Variants in CFAP20DC observed in about 807,000 individuals in gnomAD.
The protein encoded by CFAP20DC is protein CFAP20DC.
A neutral mutation model predicts 101.7 loss-of-function variants in CFAP20DC; 84 were observed. That is an observed-to-expected ratio of 0.83 (90% CI 0.69 to 0.99). CFAP20DC has a LOEUF of 0.99. Ranked by LOEUF, CFAP20DC falls within the 50% of genes least tolerant of loss-of-function variation. The pLI is 0.00. For synonymous variants in CFAP20DC, 359 were observed against 351.2 expected, an observed-to-expected ratio of 1.02 and a Z score of -0.25; for missense variants, 1,007 against 970.3, an observed-to-expected ratio of 1.04 and a Z score of -0.50.
chr3:58,914,515 T>C lies in CFAP20DC; in HGVS notation c.394-651A>G, dbSNP rs527670852. Among the ~76,000 whole-genome samples, 3 of 151,944 alleles carry C rather than the reference T, an allele frequency of 2.0e-5. No individual in the cohort carries two copies. The highest frequency in any genetic ancestry group is 7.2e-5 in the African/African-American group (3 of 41,380). The stretch of plus-strand genomic sequence containing the variant: ...GGTTAAAGAAAATGAAAAAAAATCA[T>C]TTGGCAAGAAACAAAGACATATTTA... On this transcript the variant is annotated intron_variant, in intron 5 of 16. Transcript: ENST00000482387. The surrounding 1 kb of genome is among the most constrained non-coding windows in gnomAD (Gnocchi z 4.9).
In CFAP20DC at chr3:58,869,503, T is replaced by G. The variant is rs1331021778; in HGVS notation, c.853-13A>C. On this transcript the variant is annotated splice_polypyrimidine_tract_variant and intron_variant, in intron 8 of 16. Coordinates refer to ENST00000482387, the MANE Select transcript of CFAP20DC (RefSeq NM_001394063.1). The surrounding 1 kb of genome is among the most constrained non-coding windows in gnomAD (Gnocchi z 4.3). ...CGGATCTCACTGTCTGTAAAGGAATTAATCTGTACATTTTAAAATATAGCA... is the reference window on the plus strand; with the variant it reads ...CGGATCTCACTGTCTGTAAAGGAATGAATCTGTACATTTTAAAATATAGCA... 1 of 1,571,270 alleles carries G rather than the reference T, an allele frequency of 6.4e-7. No individual in the cohort carries two copies. The highest frequency in any genetic ancestry group is 1.2e-5 in the South Asian group (1 of 82,648).
intron 4 of CFAP20DC, among the ~76,000 whole-genome samples, chr3:58,972,990 A>G (rs1008960780): frequency 4.6e-5 from 7 of 152,194 alleles, no homozygotes; most frequent in Non-Finnish European, 1.0e-4. Context: ...GGATTTACAT[A>G]TTATTTAAAC....
chr3:59,009,446 C>G (rs763035732), intron 4 of CFAP20DC, among the ~76,000 whole-genome samples: 4 of 151,864 alleles, frequency 2.6e-5, no homozygotes, highest in Non-Finnish European at 4.4e-5. Flanking sequence ...GAATGAAAAA[C>G]TTTCCAGAGG....
rs533731073 is a variant in CFAP20DC, at chr3:59,005,147, G to C, written c.278+34410C>G. Reference sequence around the variant, plus strand: ...CTAATTCTGAGCCTAGATCTCAAGAGACCTTGTGTGTTTTTGTTCATTCAG... The same window carrying C: ...CTAATTCTGAGCCTAGATCTCAAGACACCTTGTGTGTTTTTGTTCATTCAG... On this transcript the variant is annotated intron_variant, in intron 4 of 16. Coordinates refer to ENST00000482387, the MANE Select transcript of CFAP20DC (RefSeq NM_001394063.1). 2.6e-5 allele frequency among the ~76,000 whole-genome samples: 4 copies of C among 152,260 alleles called. No individual in the cohort carries two copies. In the East Asian group the frequency reaches 7.7e-4, roughly 29 times the overall value.
chr3:59,049,519 A>T (rs929100213), intron 1 of CFAP20DC, 92 bp downstream of exon 1: 5 of 1,160,006 alleles, frequency 4.3e-6, no homozygotes, highest in African/African-American at 1.5e-5. Flanking sequence ...TATTATGGGG[A>T]TAGAGGGTGC....
intron 14 of CFAP20DC, among the ~76,000 whole-genome samples, chr3:58,825,890 T>G (rs1054134156): frequency 1.8e-4 from 28 of 152,238 alleles, no homozygotes; most frequent in African/African-American, 6.3e-4. Flanking sequence ...AGGAATGTGG[T>G]TACATTTAAT....
chr3:58,813,966 G>A (rs948431586), intron 14 of CFAP20DC, among the ~76,000 whole-genome samples: 4 of 151,812 alleles, frequency 2.6e-5, no homozygotes, highest in Non-Finnish European at 5.9e-5. Flanking sequence ...TTATTTCACA[G>A]CAAAAAAGAA....
chr3:58,717,238 AG>A, downstream of CFAP20DC: 1 of 174,000 alleles, frequency 5.7e-6, no homozygotes, highest in Non-Finnish European at 1.2e-5. This position sits in a 1 kb window ranked among gnomAD's most constrained non-coding sequence, Gnocchi z 4.1. Context: ...TCCTGAGGGT[AG>A]GACGATGAAG....
intron 3 of CFAP20DC, 45 bp from the exon 4 acceptor site, chr3:59,039,674 T>C (rs2094163826): frequency 2.5e-6 from 3 of 1,187,322 alleles, no homozygotes; most frequent in South Asian, 1.4e-5. Context: ...GAAGCATTTA[T>C]ATGTGCATAT....
At chr3:58,719,509 A>G (rs1275272348) in intron 3 of CFAP20DC, among the ~76,000 whole-genome samples, 3 of 152,230 alleles carry the variant, frequency 2.0e-5, no homozygotes, top group Non-Finnish European at 2.9e-5. Context: ...CTTTGCAGGC[A>G]TGGAAGATCC....
intron 3 of CFAP20DC, among the ~76,000 whole-genome samples, chr3:59,044,493 G>T (rs946897282): frequency 6.6e-6 from 1 of 151,800 alleles, no homozygotes; most frequent in African/African-American, 2.4e-5. Context: ...TACATTAAAA[G>T]ATTTTTCTGT....
rs1204681676 is a variant in CFAP20DC at position 58,809,723 on chromosome 3, AG to A, written c.2176-3268del. 2.6e-5 allele frequency among the ~76,000 whole-genome samples: 4 copies of A among 152,334 alleles called. No homozygotes were observed. The East Asian group carries it at 7.7e-4, about 29-fold the overall frequency. ...AAATCAGAGCAGGACTGAGGGAAAT[AG>A]AAACACAAAAAACGCTTTCAAAAAT... On this transcript the variant is annotated intron_variant, in intron 14 of 16. Coordinates refer to ENST00000482387, the MANE Select transcript of CFAP20DC (RefSeq NM_001394063.1).
In CFAP20DC at chr3:58,988,017, T is replaced by C. The variant is rs544298431; in HGVS notation, c.279-50255A>G. Among the ~76,000 whole-genome samples, 10 of 152,034 alleles carry C rather than the reference T, an allele frequency of 6.6e-5. No individual in the cohort carries two copies. In the South Asian group the frequency reaches 1.7e-3, roughly 25 times the overall value. On this transcript the variant is annotated intron_variant, in intron 4 of 16. Transcript: ENST00000482387. Reference sequence around the variant, plus strand: ...GATGACTAGAAAAATTATAAAATAATCTAATAATGAATGTATGTGTCTACA... The same window carrying C: ...GATGACTAGAAAAATTATAAAATAACCTAATAATGAATGTATGTGTCTACA...
At chr3:59,012,407 C>T (rs1439226777) in intron 4 of CFAP20DC, among the ~76,000 whole-genome samples, 1 of 150,862 alleles carries the variant, frequency 6.6e-6, no homozygotes, top group African/African-American at 2.4e-5. Context: ...GAAGACTGGA[C>T]AAGGCTATTG....
chr3:58,962,126 T>C (rs2091191060), intron 4 of CFAP20DC, among the ~76,000 whole-genome samples: 1 of 152,228 alleles, frequency 6.6e-6, no homozygotes, highest in African/African-American at 2.4e-5. Flanking sequence ...GGGAATCTTT[T>C]TTCTTTCTTA....
chr3:58,892,911 T>C lies in CFAP20DC; in HGVS notation c.551-8202A>G, dbSNP rs551522751. 2.6e-5 allele frequency among the ~76,000 whole-genome samples: 4 copies of C among 152,228 alleles called. No individual in the cohort carries two copies. The highest frequency in any genetic ancestry group is 5.9e-5 in the Non-Finnish European group (4 of 68,040). ...AGAGGGCATTCTTGTCTTGTGCTGG[T>C]TTCCAAGGGGAATGCTTTCAGCTTT... is the stretch of plus-strand genomic sequence containing the variant. On this transcript the variant is annotated intron_variant, in intron 6 of 16. Coordinates refer to ENST00000482387, the MANE Select transcript of CFAP20DC (RefSeq NM_001394063.1). This position sits in a 1 kb window ranked among gnomAD's most constrained non-coding sequence, Gnocchi z 4.0.
intron 3 of CFAP20DC, among the ~76,000 whole-genome samples, chr3:59,042,032 T>C (rs972125407): frequency 1.3e-5 from 2 of 152,122 alleles, no homozygotes; most frequent in Non-Finnish European, 2.9e-5. Flanking sequence ...GTCAGGGTGC[T>C]ATGAAAGCAT....
chr3:58,942,242 T>G (rs2088708838), intron 4 of CFAP20DC, among the ~76,000 whole-genome samples: 1 of 152,232 alleles, frequency 6.6e-6, no homozygotes, highest in Non-Finnish European at 1.5e-5. Context: ...TTGTTGAAGA[T>G]TTTTATGCTG....
At chr3:58,862,737 T>C (rs2079353518) in intron 12 of CFAP20DC, 3 of 969,450 alleles carry the variant, frequency 3.1e-6, no homozygotes, top group Non-Finnish European at 3.7e-6. Flanking sequence ...AATTTCTATA[T>C]AGAAAAGCTT....
Sources: allele counts gnomAD v4.1 joint callset (sites outside exome capture counted in the v4.1 genomes callset), GRCh38; gene constraint gnomAD v4.1.1; non-coding constraint Gnocchi (gnomAD v3.1); transcripts MANE v1.5; gene names NCBI Gene and HGNC (gene_info 2026-07-23, HGNC 2026-07-21).